GPR141: variants seen among roughly 807,000 people sequenced by gnomAD.
GPR141 encodes G protein-coupled receptor 141.
Under a neutral mutation model 6.8 loss-of-function variants are expected in GPR141, and 6 were observed. The ratio of observed to expected loss-of-function variants is 0.88; its 90% CI spans 0.48 to 1.74. The LOEUF is 1.74. Among genes scored for constraint, GPR141 ranks in the 40% most tolerant of loss-of-function variants. The pLI is 0.01. For synonymous variants in GPR141, 140 were observed against 142.3 expected (o/e 0.98, Z 0.11); for missense variants, 372 against 372.9 (o/e 1.00, Z 0.02).
At chr7:37,735,094 C>T (rs184279417) in intron 2 of GPR141, among the ~76,000 whole-genome samples, 2 of 152,236 alleles carry the variant, frequency 1.3e-5, no homozygotes, top group Admixed American at 1.3e-4. Context: ...GCTTCTGCAT[C>T]TTCATGGGAT....
intron 2 of GPR141, among the ~76,000 whole-genome samples, chr7:37,722,060 C>T (rs940738226): frequency 2.6e-5 from 4 of 152,274 alleles, no homozygotes; most frequent in Non-Finnish European, 4.4e-5. Flanking sequence ...TGTCTGTCAA[C>T]ATAAAGCAAC....
chr7:37,737,134 A>G (rs1030897215), intron 2 of GPR141, among the ~76,000 whole-genome samples: 3 of 152,214 alleles, frequency 2.0e-5, no homozygotes, highest in Non-Finnish European at 4.4e-5. Flanking sequence ...TAAAGTACAC[A>G]CACTAAAGAA....
intron 2 of GPR141, among the ~76,000 whole-genome samples, chr7:37,737,532 G>A (rs1469070818): frequency 8.6e-5 from 13 of 152,020 alleles, no homozygotes; most frequent in Admixed American, 8.5e-4. Context: ...TTTGAATGTA[G>A]CCCAACACAA....
At position 37,741,188 on chromosome 7, in the gene GPR141, TA is replaced by T; in HGVS notation, c.797del (p.Asn266ThrfsTer5). The T allele has an allele frequency of 4.3e-6, 7 of 1,613,916 alleles. No homozygotes were observed. The highest frequency in any genetic ancestry group is 5.9e-6 in the Non-Finnish European group (7 of 1,179,772). The stretch of plus-strand genomic sequence containing the variant: ...CCTGTAACAGCAAGGTTGCATTTTA[TA>T]ACGAAATCTTCTTGAGTGTAACAGC... The part of the protein sequence containing the change: ...NACNSKVAFY[N>X]EIFLSVTAIS... On this transcript the variant is annotated frameshift_variant, in exon 3 of 3. Coordinates refer to ENST00000334425, the MANE Select transcript of GPR141 (RefSeq NM_001381946.1). LOFTEE classifies it high-confidence loss of function.
Position 37,699,381 on chromosome 7 carries a change from G to A in GPR141, c.-15+13798G>A, listed in dbSNP as rs534505818. Among the ~76,000 whole-genome samples, 8 of 152,280 alleles carry A rather than the reference G, an allele frequency of 5.3e-5. No individual in the cohort carries two copies. In the South Asian group the frequency reaches 1.7e-3, roughly 32 times the overall value. On this transcript the variant is annotated intron_variant, in intron 2 of 2. Transcript: ENST00000334425. ...TCAAGACCATCCTGGCTAACACGGT[G>A]AAACCCCATTTCTACTAAAAATACA...
Position 37,689,914 on chromosome 7 carries a change from C to T in GPR141, c.-15+4331C>T, listed in dbSNP as rs114100362. Among the ~76,000 whole-genome samples, 866 of 149,746 alleles carry T rather than the reference C, an allele frequency of 5.8e-3. 7 individuals are homozygous for T. Among genetic ancestry groups the T allele is most frequent in the African/African-American group, 0.02 (800 of 40,696 alleles). ...CAATTTCATTTATTTCTGCTCCGAT[C>T]GTTATTATTTCTTTCCTTCTTCTAA... On this transcript the variant is annotated intron_variant, in intron 2 of 2. Coordinates refer to ENST00000334425, the MANE Select transcript of GPR141 (RefSeq NM_001381946.1).
intron 2 of GPR141, among the ~76,000 whole-genome samples, chr7:37,707,195 A>G (rs1418199788): frequency 6.6e-6 from 1 of 152,178 alleles, no homozygotes. Flanking sequence ...CTTCTTGCCA[A>G]GACAATTCTA....
At position 37,741,848 on chromosome 7, in the gene GPR141, A is replaced by T. The variant is rs1336717213; in HGVS notation, c.*537A>T. The stretch of plus-strand genomic sequence containing the variant: ...TAGTTAAAAATTTTTCTAGGGTATC[A>T]TAACTCTGGTAGGAAGTCATCTGTC... On this transcript the variant is annotated 3_prime_UTR_variant, in exon 3 of 3. Transcript: ENST00000334425. Among the ~76,000 whole-genome samples the T allele has an allele frequency of 6.6e-6, 1 of 152,190 alleles. No homozygotes were observed. The highest frequency in any genetic ancestry group is 1.9e-4 in the East Asian group (1 of 5,198).
chr7:37,708,473 G>A (rs750176377), intron 2 of GPR141, among the ~76,000 whole-genome samples: 26 of 152,128 alleles, frequency 1.7e-4, no homozygotes, highest in Non-Finnish European at 8.8e-5. Flanking sequence ...CCAATAAGGT[G>A]CCATGTTCAG....
chr7:37,737,084 T>A (rs996308411), intron 2 of GPR141, among the ~76,000 whole-genome samples: 2 of 152,002 alleles, frequency 1.3e-5, no homozygotes, highest in Admixed American at 1.3e-4. Context: ...ACATTTTAAA[T>A]GTAATAATCA....
chr7:37,726,481 A>AT, intron 2 of GPR141, among the ~76,000 whole-genome samples: 1 of 152,096 alleles, frequency 6.6e-6, no homozygotes, highest in East Asian at 1.9e-4. Flanking sequence ...ATTTTATGTA[A>AT]TTTTTCATAA....
At chr7:37,722,637 G>A (rs1481510399) in intron 2 of GPR141, among the ~76,000 whole-genome samples, 2 of 150,724 alleles carry the variant, frequency 1.3e-5, no homozygotes, top group Non-Finnish European at 2.9e-5. Flanking sequence ...CAGGAAAATT[G>A]CTTGAACCCA....
At chr7:37,733,671 C>CAAAAAAAAAAAAAA (rs55943222) in intron 2 of GPR141, among the ~76,000 whole-genome samples, 2 of 101,304 alleles carry the variant, frequency 2.0e-5, no homozygotes, top group East Asian at 2.5e-4. Context: ...AACTCCATCT[C>CAAAAAAAAAAAAAA]AAAAAAAAAA....
chr7:37,706,139 C>T (rs920616330), intron 2 of GPR141, among the ~76,000 whole-genome samples: 2 of 152,334 alleles, frequency 1.3e-5, no homozygotes, highest in East Asian at 3.9e-4. Flanking sequence ...GGTGTTTACA[C>T]ACACACAAAA....
chr7:37,692,118 G>A (rs899437779), intron 2 of GPR141, among the ~76,000 whole-genome samples: 1 of 152,004 alleles, frequency 6.6e-6, no homozygotes, highest in African/African-American at 2.4e-5. Flanking sequence ...TCTATATTAG[G>A]TATTTCTCCT....
chr7:37,717,470 A>G (rs1356152651), intron 2 of GPR141, among the ~76,000 whole-genome samples: 2 of 152,184 alleles, frequency 1.3e-5, no homozygotes, highest in Non-Finnish European at 2.9e-5. Context: ...TTCAGACCAT[A>G]ATGGAGAAGA....
In GPR141 at chr7:37,742,346, C is replaced by T. The variant is rs1812606759; in HGVS notation, c.*1035C>T. Reference sequence around the variant, plus strand: ...CACGTGCCATGGTGGTTTGCGGCACCTGTCAACCCATCTACATTAGGTATT... The same window carrying T: ...CACGTGCCATGGTGGTTTGCGGCACTTGTCAACCCATCTACATTAGGTATT... On this transcript the variant is annotated 3_prime_UTR_variant, in exon 3 of 3. Transcript: ENST00000334425. Among the ~76,000 whole-genome samples the T allele has an allele frequency of 6.6e-6, 1 of 151,970 alleles. No individual in the cohort carries two copies. The highest frequency in any genetic ancestry group is 2.1e-4 in the South Asian group (1 of 4,830).
At chr7:37,692,805 G>T (rs2131734662) in intron 2 of GPR141, among the ~76,000 whole-genome samples, 1 of 152,234 alleles carries the variant, frequency 6.6e-6, no homozygotes, top group East Asian at 1.9e-4. Flanking sequence ...CTTTTGAGAA[G>T]TCTTTGTTCA....
rs544269604 is a variant in GPR141 at position 37,741,760 on chromosome 7, C to T, written c.*449C>T. On this transcript the variant is annotated 3_prime_UTR_variant, in exon 3 of 3. Coordinates refer to ENST00000334425, the MANE Select transcript of GPR141 (RefSeq NM_001381946.1). ...AGCTCCAAAGACACAAACTCTCCTT[C>T]GCTAACCAGGTTAGATGTCCCATTC... Among the ~76,000 whole-genome samples, 30 of 152,286 alleles carry T rather than the reference C, an allele frequency of 2.0e-4. No homozygotes were observed. Among genetic ancestry groups the T allele is most frequent in the African/African-American group, 6.5e-4 (27 of 41,548 alleles).
Sources: allele counts gnomAD v4.1 joint callset (sites outside exome capture counted in the v4.1 genomes callset), GRCh38; gene constraint gnomAD v4.1.1; transcripts MANE v1.5; gene names NCBI Gene and HGNC (gene_info 2026-07-23, HGNC 2026-07-21).